The following CLSTN2 variants were observed in gnomAD, a reference collection of about 807,000 sequenced individuals.
CLSTN2 encodes the protein calsyntenin-2.
Under a neutral mutation model 101.2 loss-of-function variants are expected in CLSTN2, and 48 were observed. The ratio of observed to expected loss-of-function variants is 0.47; its 90% CI spans 0.38 to 0.60. CLSTN2 has a LOEUF of 0.60. Among genes scored for constraint, CLSTN2 ranks in the 20% least tolerant of loss-of-function variants. The pLI is 0.00. For synonymous variants in CLSTN2, 481 were observed against 463.6 expected (o/e 1.04, Z -0.48); for missense variants, 1,160 against 1,238.2 (o/e 0.94, Z 0.95).
chr3:140,265,377 G>A (rs1204079067), intron 2 of CLSTN2, among the ~76,000 whole-genome samples: 1 of 152,190 alleles, frequency 6.6e-6, no homozygotes, highest in African/African-American at 2.4e-5. Context: ...AGTAGTAGAA[G>A]AGAGAAGGCA....
At chr3:140,250,576 C>G (rs1327411268) in intron 2 of CLSTN2, among the ~76,000 whole-genome samples, 1 of 152,182 alleles carries the variant, frequency 6.6e-6, no homozygotes, top group African/African-American at 2.4e-5. Context: ...TTTGGGGCTT[C>G]CCTGGAGTGG....
At chr3:140,193,700 T>G (rs1301083168) in intron 2 of CLSTN2, among the ~76,000 whole-genome samples, 1 of 152,138 alleles carries the variant, frequency 6.6e-6, no homozygotes, top group Non-Finnish European at 1.5e-5. Context: ...ATGGAAAGTT[T>G]TAGCCATTTT....
chr3:140,057,070 C>T (rs2008111220), intron 1 of CLSTN2, among the ~76,000 whole-genome samples: 1 of 152,224 alleles, frequency 6.6e-6, no homozygotes, highest in Non-Finnish European at 1.5e-5. Flanking sequence ...GACATACTGG[C>T]TGCTCTTCTC....
chr3:140,380,240 A>G (rs1202988806), intron 2 of CLSTN2, among the ~76,000 whole-genome samples: 1 of 152,186 alleles, frequency 6.6e-6, no homozygotes. Context: ...TGTCTGTCAC[A>G]GAGTCAGGAG....
intron 8 of CLSTN2, among the ~76,000 whole-genome samples, chr3:140,510,554 G>A (rs1245684196): frequency 6.6e-6 from 1 of 152,208 alleles, no homozygotes; most frequent in Non-Finnish European, 1.5e-5. Flanking sequence ...TTGCCCAAAT[G>A]TTGCTCAACC....
At chr3:140,046,446 A>C (rs1394378824) in intron 1 of CLSTN2, among the ~76,000 whole-genome samples, 5 of 152,144 alleles carry the variant, frequency 3.3e-5, no homozygotes, top group Admixed American at 3.3e-4. Flanking sequence ...CAGTACACTG[A>C]TAGGTCTTGA....
At chr3:140,150,188 G>A (rs1310095549) in intron 1 of CLSTN2, among the ~76,000 whole-genome samples, 1 of 152,186 alleles carries the variant, frequency 6.6e-6, no homozygotes, top group Non-Finnish European at 1.5e-5. Context: ...GGTCTATTGT[G>A]TGCCCAGGCA....
chr3:140,551,621 G>A (rs535665619), intron 10 of CLSTN2, among the ~76,000 whole-genome samples: 128 of 152,264 alleles, frequency 8.4e-4, no homozygotes, highest in African/African-American at 3.0e-3. Flanking sequence ...GGCCACATCA[G>A]AGGCCACCTA....
At chr3:140,437,141 C>A (rs1404901840) in intron 5 of CLSTN2, among the ~76,000 whole-genome samples, 1 of 151,964 alleles carries the variant, frequency 6.6e-6, no homozygotes, top group Admixed American at 6.6e-5. Context: ...GTCTGCCTCC[C>A]AGGTTCACGC....
chr3:139,966,926 C>T (rs953323369), intron 1 of CLSTN2, among the ~76,000 whole-genome samples: 3 of 152,140 alleles, frequency 2.0e-5, no homozygotes, highest in East Asian at 1.9e-4. Context: ...ATCACTCTAT[C>T]GTGCTGCCAG....
At position 140,566,094 on chromosome 3, in the gene CLSTN2, A is replaced by G. The variant is rs757429839; in HGVS notation, c.2709A>G (p.Gly903=). ...GPGHGEDETE[G]EEEEEAEEEM... ...GGCATGGGGAAGATGAGACTGAGGG[A>G]GAAGAGGAGGAAGAAGCCGAGGAAG... The change falls in exon 17 of 17, where the codon GGA becomes GGG. Residue 903 remains glycine, a synonymous_variant. Coordinates refer to ENST00000458420, the MANE Select transcript of CLSTN2 (RefSeq NM_022131.3). 6.2e-7 allele frequency: 1 copy of G among 1,612,884 alleles called. No individual in the cohort carries two copies. The highest frequency in any genetic ancestry group is 8.5e-7 in the Non-Finnish European group (1 of 1,178,922).
chr3:140,472,096 G>A (rs966501389), intron 8 of CLSTN2, among the ~76,000 whole-genome samples: 18 of 151,942 alleles, frequency 1.2e-4, no homozygotes, highest in African/African-American at 2.9e-4. Context: ...TAAACTCCCC[G>A]TATGAGGGGA....
chr3:140,219,381 A>C (rs2086244225), intron 2 of CLSTN2, among the ~76,000 whole-genome samples: 1 of 152,058 alleles, frequency 6.6e-6, no homozygotes, highest in Non-Finnish European at 1.5e-5. Context: ...AGTTTTAATT[A>C]AAGCCCAGGG....
intron 2 of CLSTN2, among the ~76,000 whole-genome samples, chr3:140,375,477 C>G (rs918051363): frequency 3.3e-5 from 5 of 152,330 alleles, no homozygotes; most frequent in South Asian, 2.1e-4. Flanking sequence ...GCCTCATGAC[C>G]AAATGAGCTC....
intron 2 of CLSTN2, among the ~76,000 whole-genome samples, chr3:140,269,965 G>A (rs1220248796): frequency 6.6e-5 from 10 of 152,002 alleles, no homozygotes; most frequent in Non-Finnish European, 1.5e-4. Context: ...TGATGGTAGA[G>A]AAAGAAAACA....
intron 2 of CLSTN2, among the ~76,000 whole-genome samples, chr3:140,290,799 A>G (rs1321253083): frequency 6.6e-6 from 1 of 152,178 alleles, no homozygotes; most frequent in South Asian, 2.1e-4. Flanking sequence ...ACCCAACGCC[A>G]TGCTTTGTGA....
Position 139,936,767 on chromosome 3 carries a change from G to C in CLSTN2, c.109+1284G>C, listed in dbSNP as rs72979848. 6.3e-3 allele frequency among the ~76,000 whole-genome samples: 959 copies of C among 152,306 alleles called. 18 individuals are homozygous for C. Among genetic ancestry groups the C allele is most frequent in the African/African-American group, 0.021 (878 of 41,578 alleles). On this transcript the variant is annotated intron_variant, in intron 1 of 16. Coordinates refer to ENST00000458420, the MANE Select transcript of CLSTN2 (RefSeq NM_022131.3). ...AACTTAGGAGTGATATATTTGAGAA[G>C]AACATGGGAGATTATGTTTATCTGT...
chr3:140,360,090 T>G (rs967733603), intron 2 of CLSTN2, among the ~76,000 whole-genome samples: 2 of 152,178 alleles, frequency 1.3e-5, no homozygotes. Context: ...ACATTTATAA[T>G]TTAGGAGTAT....
chr3:140,503,376 C>A (rs992099527), intron 8 of CLSTN2, among the ~76,000 whole-genome samples: 1 of 152,222 alleles, frequency 6.6e-6, no homozygotes, highest in Non-Finnish European at 1.5e-5. Context: ...TAAACACATA[C>A]TTACCATCAT....
Sources: allele counts gnomAD v4.1 joint callset (sites outside exome capture counted in the v4.1 genomes callset), GRCh38; gene constraint gnomAD v4.1.1; transcripts MANE v1.5; gene names NCBI Gene and HGNC (gene_info 2026-07-23, HGNC 2026-07-21).